PCMTD2: variants seen among roughly 807,000 people sequenced by gnomAD.
PCMTD2 encodes the protein protein-L-isoaspartate O-methyltransferase domain-containing protein 2.
Under a neutral mutation model 33.4 loss-of-function variants are expected in PCMTD2, and 16 were observed. The observed-to-expected ratio is 0.48, with a 90% CI of 0.32 to 0.73. The LOEUF (loss-of-function observed/expected upper bound fraction) is 0.73. Ranked by LOEUF, PCMTD2 falls within the 30% of genes least tolerant of loss-of-function variation. The pLI, the probability that PCMTD2 is intolerant of heterozygous loss-of-function variation, is 0.03. For missense variants in PCMTD2, 374 were observed against 449.9 expected, an observed-to-expected ratio of 0.83 and a Z score of 1.53; for synonymous variants, 161 against 160.8, an observed-to-expected ratio of 1.00 and a Z score of -0.01.
rs1341624613 is a variant in PCMTD2 at position 64,274,685 on chromosome 20, A to T, written c.*1085A>T. 6.6e-6 allele frequency: 1 copy of T among 152,226 alleles called. No homozygotes were observed. The highest frequency in any genetic ancestry group is 2.4e-5 in the African/African-American group (1 of 41,456). 9.4% of individuals were successfully genotyped at this position (152,226 alleles called of 1,614,324 possible). A position where few individuals can be genotyped will look rare whatever the true frequency, so the allele number is the denominator to read the frequency against. On this transcript the variant is annotated 3_prime_UTR_variant, in exon 6 of 6. Transcript: ENST00000308824. ...GTAATTTTTTTGTAAGACCAAATGTATGTATTTTAGTAGCTCCATTGCATG... is the reference window on the plus strand; with the variant it reads ...GTAATTTTTTTGTAAGACCAAATGTTTGTATTTTAGTAGCTCCATTGCATG...
intron 5 of PCMTD2, among the ~76,000 whole-genome samples, chr20:64,269,256 C>T (rs1601745956): frequency 1.3e-5 from 2 of 152,210 alleles, no homozygotes; most frequent in African/African-American, 4.8e-5. Flanking sequence ...TTTTAAGTAA[C>T]TGCCGCCCTT....
At chr20:64,263,209 C>T (rs1208569449) in intron 2 of PCMTD2, among the ~76,000 whole-genome samples, 1 of 152,160 alleles carries the variant, frequency 6.6e-6, no homozygotes, top group Non-Finnish European at 1.5e-5. Flanking sequence ...AAGGTCTTGA[C>T]GTTCAGAGTA....
At chr20:64,263,416 G>T (rs1225563261) in intron 2 of PCMTD2, among the ~76,000 whole-genome samples, 1 of 152,184 alleles carries the variant, frequency 6.6e-6, no homozygotes, top group African/African-American at 2.4e-5. Flanking sequence ...CCCACACGGT[G>T]CAAAGGTGTG....
At chr20:64,260,933 C>T (rs1985388055) in intron 2 of PCMTD2, among the ~76,000 whole-genome samples, 3 of 152,010 alleles carry the variant, frequency 2.0e-5, no homozygotes, top group Non-Finnish European at 4.4e-5. Context: ...GGCGCCAGCT[C>T]TCCACCTGCC....
chr20:64,265,806 T>G (rs1985634788), intron 4 of PCMTD2, among the ~76,000 whole-genome samples: 1 of 152,184 alleles, frequency 6.6e-6, no homozygotes, highest in African/African-American at 2.4e-5. Flanking sequence ...ATATATAAAA[T>G]AGAGTCATTC....
chr20:64,271,639 A>T (rs1371504112), intron 5 of PCMTD2: 1 of 153,030 alleles, frequency 6.5e-6, no homozygotes, highest in African/African-American at 2.4e-5. Flanking sequence ...AAAACCAAGG[A>T]CTAGCAGTCA....
rs1986083331 is a variant in PCMTD2 at position 64,276,089 on chromosome 20, A to G, written c.*2489A>G. The G allele has an allele frequency of 6.6e-6, 1 of 151,220 alleles. No homozygotes were observed. The highest frequency in any genetic ancestry group is 2.1e-4 in the South Asian group (1 of 4,832). The allele number at this position is 151,220 out of a possible 1,614,324, so 9.4% of individuals were successfully genotyped here. A position where few individuals can be genotyped will look rare whatever the true frequency, so the allele number is the denominator to read the frequency against. ...TGAATATGTTCTTTTCAAAATCTTA[A>G]GAAAAGAACCTTTTTTCTTTATTAA... On this transcript the variant is annotated 3_prime_UTR_variant, in exon 6 of 6. Transcript: ENST00000308824.
chr20:64,263,741 A>G (rs1568733845), intron 2 of PCMTD2, among the ~76,000 whole-genome samples: 1 of 152,182 alleles, frequency 6.6e-6, no homozygotes, highest in African/African-American at 2.4e-5. Flanking sequence ...CCAGTGTTGC[A>G]TCTTCCAGAA....
intron 4 of PCMTD2, among the ~76,000 whole-genome samples, chr20:64,267,246 C>T (rs2145762458): frequency 6.6e-6 from 1 of 152,268 alleles, no homozygotes; most frequent in East Asian, 1.9e-4. Context: ...GTTTTGATGG[C>T]CTACACTGGA....
At chr20:64,264,372 G>A in intron 2 of PCMTD2, 57 bp from the exon 3 acceptor site, 1 of 847,586 alleles carries the variant, frequency 1.2e-6, no homozygotes, top group South Asian at 1.4e-5. Context: ...GAAGTGAACA[G>A]ATGAGCAAGA....
chr20:64,263,411 A>T (rs142927226), intron 2 of PCMTD2, among the ~76,000 whole-genome samples: 1 of 152,210 alleles, frequency 6.6e-6, no homozygotes, highest in Non-Finnish European at 1.5e-5. Flanking sequence ...GAGGGCCCAC[A>T]CGGTGCAAAG....
At chr20:64,257,302 C>G (rs1019937751) in intron 1 of PCMTD2, among the ~76,000 whole-genome samples, 3 of 152,232 alleles carry the variant, frequency 2.0e-5, no homozygotes, top group African/African-American at 7.2e-5. Context: ...TGCCTGTCGC[C>G]ACTCAGCAAG....
At chr20:64,262,881 T>C (rs1228646051) in intron 2 of PCMTD2, 1 of 152,288 alleles carries the variant, frequency 6.6e-6, no homozygotes, top group Non-Finnish European at 1.5e-5. Flanking sequence ...CAGGGGGGCC[T>C]CGCTGCTCTG....
intron 2 of PCMTD2, among the ~76,000 whole-genome samples, chr20:64,263,127 A>G (rs1482886488): frequency 6.6e-6 from 1 of 152,212 alleles, no homozygotes; most frequent in Admixed American, 6.5e-5. Flanking sequence ...CAGTGAAAAT[A>G]AGATGAGTGG....
intron 1 of PCMTD2, chr20:64,258,791 G>T (rs1985274268): frequency 6.6e-6 from 1 of 152,174 alleles, no homozygotes; most frequent in African/African-American, 2.4e-5. Flanking sequence ...AGGTCTGGTG[G>T]TCTTTTTCCC....
At chr20:64,257,036 AG>A (rs1985196350) in intron 1 of PCMTD2, 1 of 152,156 alleles carries the variant, frequency 6.6e-6, no homozygotes, top group African/African-American at 2.4e-5. Context: ...TGCTTGTAAG[AG>A]TTCTGGTTTT....
intron 2 of PCMTD2, among the ~76,000 whole-genome samples, chr20:64,261,562 C>T (rs890005483): frequency 4.0e-5 from 6 of 150,722 alleles, no homozygotes; most frequent in African/African-American, 1.5e-4. Context: ...AGTGAGACTC[C>T]GTCTATAATT....
intron 1 of PCMTD2, chr20:64,256,449 C>T (rs530886269): frequency 2.0e-5 from 3 of 152,264 alleles, no homozygotes; most frequent in African/African-American, 7.2e-5. Context: ...AATGTTTGCT[C>T]CAGCGTTGCA....
chr20:64,259,227 G>A (rs1985291195), intron 1 of PCMTD2, among the ~76,000 whole-genome samples: 1 of 152,152 alleles, frequency 6.6e-6, no homozygotes, highest in African/African-American at 2.4e-5. Context: ...TTTGGGAAGA[G>A]TGTTTTCTTG....
Sources: gnomAD v4.1 joint callset for allele counts (sites outside exome capture counted in the v4.1 genomes callset) on GRCh38, gnomAD v4.1.1 for gene constraint, MANE v1.5 for transcripts, NCBI Gene and HGNC (gene_info 2026-07-23, HGNC 2026-07-21) for gene names.